The following LDLRAD3 variants were observed in gnomAD, a reference collection of about 807,000 sequenced individuals.
LDLRAD3 encodes low-density lipoprotein receptor class A domain-containing protein 3.
Under a neutral mutation model 29.4 loss-of-function variants are expected in LDLRAD3, and 20 were observed. The ratio of observed to expected loss-of-function variants is 0.68; its 90% CI spans 0.48 to 0.99. LDLRAD3 has a LOEUF of 0.99. Among genes scored for constraint, LDLRAD3 ranks in the 50% least tolerant of loss-of-function variants. LDLRAD3 has a pLI of 0.00. For synonymous variants in LDLRAD3, 157 were observed against 192.7 expected, an observed-to-expected ratio of 0.81 and a Z score of 1.53; for missense variants, 420 against 454.3, an observed-to-expected ratio of 0.92 and a Z score of 0.69.
intron 4 of LDLRAD3, among the ~76,000 whole-genome samples, chr11:36,129,923 T>G (rs1396222153): frequency 6.6e-6 from 1 of 152,226 alleles, no homozygotes; most frequent in Non-Finnish European, 1.5e-5. Flanking sequence ...TCATTCTTGT[T>G]GTTTGCTAGT....
intron 4 of LDLRAD3, among the ~76,000 whole-genome samples, chr11:36,101,409 G>A (rs1439783193): frequency 1.3e-5 from 2 of 152,186 alleles, no homozygotes; most frequent in African/African-American, 4.8e-5. Context: ...TTAATGCTGT[G>A]TTTTAATTTG....
At chr11:35,957,794 T>G (rs1420211480) in intron 1 of LDLRAD3, among the ~76,000 whole-genome samples, 2 of 59,678 alleles carry the variant, frequency 3.4e-5, no homozygotes, top group Non-Finnish European at 5.4e-5. Context: ...AGACCTTATC[T>G]CAAAAAAAAA....
At chr11:35,966,018 C>A (rs1319969647) in intron 1 of LDLRAD3, among the ~76,000 whole-genome samples, 2 of 152,218 alleles carry the variant, frequency 1.3e-5, no homozygotes, top group African/African-American at 4.8e-5. Context: ...AATTCTCTTA[C>A]CCTTTTATCA....
intron 4 of LDLRAD3, among the ~76,000 whole-genome samples, chr11:36,133,554 T>C (rs1853960386): frequency 1.4e-5 from 2 of 146,368 alleles, no homozygotes; most frequent in Non-Finnish European, 3.0e-5. Context: ...TTTCTTTTTT[T>C]TTTTTTTTTT....
intron 1 of LDLRAD3, among the ~76,000 whole-genome samples, chr11:35,996,046 T>C (rs1389455352): frequency 6.6e-6 from 1 of 152,262 alleles, no homozygotes; most frequent in African/African-American, 2.4e-5. Flanking sequence ...AGTAACACTT[T>C]TAATTTCCTT....
intron 1 of LDLRAD3, among the ~76,000 whole-genome samples, chr11:35,959,481 T>A (rs1380445529): frequency 1.3e-5 from 2 of 152,228 alleles, no homozygotes; most frequent in Non-Finnish European, 2.9e-5. Flanking sequence ...CTTGGGTGCT[T>A]TAAAATATAT....
intron 3 of LDLRAD3, among the ~76,000 whole-genome samples, chr11:36,089,923 T>C (rs988452993): frequency 6.6e-6 from 1 of 152,168 alleles, no homozygotes; most frequent in African/African-American, 2.4e-5. Context: ...ATAATTATTA[T>C]AATAAACATT....
chr11:36,132,464 A>G (rs1484357433), intron 4 of LDLRAD3, among the ~76,000 whole-genome samples: 1 of 152,178 alleles, frequency 6.6e-6, no homozygotes, highest in African/African-American at 2.4e-5. Context: ...TTAGTGCTTT[A>G]TATTTAAAAT....
At chr11:36,180,423 C>T (rs1459449778) in intron 4 of LDLRAD3, among the ~76,000 whole-genome samples, 3 of 152,174 alleles carry the variant, frequency 2.0e-5, no homozygotes, top group Non-Finnish European at 1.5e-5. Context: ...GCCCAAATCC[C>T]TGTCTTCATG....
At chr11:36,012,600 T>C (rs1365457133) in intron 1 of LDLRAD3, among the ~76,000 whole-genome samples, 2 of 152,150 alleles carry the variant, frequency 1.3e-5, no homozygotes, top group Admixed American at 6.5e-5. Context: ...AAGTGACTAA[T>C]AGGCAGATAG....
rs372129360 is a variant in LDLRAD3 at position 36,229,429 on chromosome 11, A to C, written c.*32A>C. The C allele has an allele frequency of 2.7e-6, 4 of 1,455,948 alleles. No individual in the cohort carries two copies. In the African/African-American group the frequency reaches 5.6e-5, roughly 20 times the overall value. The allele number at this position is 1,455,948 out of a possible 1,614,324, so 90.2% of individuals were successfully genotyped here. ...GTTATTCCAAAGTCCATATGGGTTA[A>C]TCTGCTCTGACTTGTTGCCATTCTA... On this transcript the variant is annotated 3_prime_UTR_variant, in exon 6 of 6. Coordinates refer to ENST00000315571, the MANE Select transcript of LDLRAD3 (RefSeq NM_174902.4).
At chr11:36,046,287 T>G (rs888287424) in intron 2 of LDLRAD3, among the ~76,000 whole-genome samples, 2 of 152,226 alleles carry the variant, frequency 1.3e-5, no homozygotes, top group Non-Finnish European at 2.9e-5. Flanking sequence ...GCTTTGCTTC[T>G]CCTTTGCCTT....
At chr11:36,002,290 A>G (rs1021277736) in intron 1 of LDLRAD3, among the ~76,000 whole-genome samples, 2 of 152,230 alleles carry the variant, frequency 1.3e-5, no homozygotes, top group African/African-American at 4.8e-5. Flanking sequence ...GAAATTCCAC[A>G]TCCCTTTGTT....
chr11:36,229,341 G>A lies in LDLRAD3; in HGVS notation c.982G>A (p.Glu328Lys). ...SHSPGQPGPQ[E>K]GTAEPRDSEP... ...CAGCCCGGGGCAGCCTGGCCCCCAG[G>A]AGGGCACTGCTGAGCCCAGGGACTC... Residue 328 changes from glutamate (E) to lysine (K), a missense_variant, in exon 6 of 6, where the codon GAG becomes AAG. Around this residue, in one of 3 missense-constraint regions of LDLRAD3, gnomAD observed 140 missense variants for 139.9 expected, o/e 1.00. Coordinates refer to ENST00000315571, the MANE Select transcript of LDLRAD3 (RefSeq NM_174902.4). 2 of 1,614,074 alleles carry A rather than the reference G, an allele frequency of 1.2e-6. No individual in the cohort carries two copies. The highest frequency in any genetic ancestry group is 1.7e-6 in the Non-Finnish European group (2 of 1,180,026).
At chr11:36,076,771 C>T (rs1853017834) in intron 2 of LDLRAD3, among the ~76,000 whole-genome samples, 2 of 152,158 alleles carry the variant, frequency 1.3e-5, no homozygotes, top group Non-Finnish European at 2.9e-5. Context: ...CCCTAGTGCA[C>T]CCAGAAGACA....
At chr11:35,950,911 G>A (rs760843835) in intron 1 of LDLRAD3, among the ~76,000 whole-genome samples, 4 of 151,978 alleles carry the variant, frequency 2.6e-5, no homozygotes, top group Admixed American at 6.6e-5. Flanking sequence ...GTGAAACCCC[G>A]TCTCTTCTAA....
chr11:36,096,056 A>G (rs1853355886), intron 3 of LDLRAD3, among the ~76,000 whole-genome samples: 1 of 152,214 alleles, frequency 6.6e-6, no homozygotes, highest in Non-Finnish European at 1.5e-5. Flanking sequence ...CAGCGATGTC[A>G]ATAATTAAAA....
At chr11:35,993,645 G>C (rs184188506) in intron 1 of LDLRAD3, among the ~76,000 whole-genome samples, 5 of 148,184 alleles carry the variant, frequency 3.4e-5, no homozygotes, top group African/African-American at 1.3e-4. Context: ...TGACTGCGCA[G>C]TCCTGGCCAG....
At chr11:36,049,542 G>C (rs1852499427) in intron 2 of LDLRAD3, among the ~76,000 whole-genome samples, 1 of 152,182 alleles carries the variant, frequency 6.6e-6, no homozygotes, top group Admixed American at 6.5e-5. Flanking sequence ...CCCCTCTTTA[G>C]AAAGCATTTC....
Sources: gnomAD v4.1 joint callset for allele counts (sites outside exome capture counted in the v4.1 genomes callset) on GRCh38, gnomAD v4.1.1 for gene constraint, gnomAD v4.1.1 regional missense constraint, MANE v1.5 for transcripts, NCBI Gene and HGNC (gene_info 2026-07-23, HGNC 2026-07-21) for gene names.